DDR2: variants seen among roughly 807,000 people sequenced by gnomAD.
The protein encoded by DDR2 is discoidin domain-containing receptor 2.
DDR2 carries 27 observed loss-of-function variants against 94.9 expected under a neutral mutation model. The ratio of observed to expected loss-of-function variants is 0.28; its 90% CI spans 0.21 to 0.39. The LOEUF (loss-of-function observed/expected upper bound fraction) is 0.39, where lower values mean the gene tolerates loss of function less well. Among genes scored for constraint, DDR2 ranks in the 10% least tolerant of loss-of-function variants. The pLI, the probability that DDR2 is intolerant of heterozygous loss-of-function variation, is 1.00. For missense variants in DDR2, 783 were observed against 1,076.0 expected (o/e 0.73, Z 3.81); for synonymous variants, 382 against 377.2 (o/e 1.01, Z -0.15).
In DDR2 at chr1:162,784,360, G is replaced by A. The variant is rs184260243; in HGVS notation, c.*4114G>A. The A allele has an allele frequency of 9.1e-5, 14 of 154,296 alleles. No individual in the cohort carries two copies. In the East Asian group the frequency reaches 2.5e-3, roughly 28 times the overall value. The allele number at this position is 154,296 out of a possible 1,614,324, so 9.6% of individuals were successfully genotyped here. ...GCTACTAAGTCTTTGATCATAAGTC[G>A]AATTTATAGACCTGGAATTTGCCAT... On this transcript the variant is annotated 3_prime_UTR_variant, in exon 18 of 18. Coordinates refer to ENST00000367921, the MANE Select transcript of DDR2 (RefSeq NM_006182.4).
intron 17 of DDR2, among the ~76,000 whole-genome samples, chr1:162,779,359 A>G (rs1647771279): frequency 6.6e-6 from 1 of 152,144 alleles, no homozygotes; most frequent in Admixed American, 6.5e-5. Context: ...CTGGAATTTA[A>G]AGCTTGCCAG....
At position 162,761,348 on chromosome 1, in the gene DDR2, T is replaced by C. The variant is rs1334285922; in HGVS notation, c.993T>C (p.Ala331=). The C allele has an allele frequency of 1.9e-6, 3 of 1,614,054 alleles. No individual in the cohort carries two copies. Among genetic ancestry groups the C allele is most frequent in the Non-Finnish European group, 2.5e-6 (3 of 1,180,040 alleles). ...PLVLDDVNPS[A]RFVTVPLHHR... ...TCCTGGATGACGTCAACCCCAGTGCTCGGTTTGTCACGGTGCCTCTCCACC... is the reference window on the plus strand; with the variant it reads ...TCCTGGATGACGTCAACCCCAGTGCCCGGTTTGTCACGGTGCCTCTCCACC... The change falls in exon 9 of 18, where the codon GCT becomes GCC. Residue 331 remains alanine, a synonymous_variant. Transcript: ENST00000367921.
At chr1:162,773,061 T>C (rs1647311771) in intron 13 of DDR2, among the ~76,000 whole-genome samples, 1 of 152,096 alleles carries the variant, frequency 6.6e-6, no homozygotes, top group South Asian at 2.1e-4. Context: ...TAGACAGGAG[T>C]TTCTTATAAT....
intron 2 of DDR2, among the ~76,000 whole-genome samples, chr1:162,667,281 A>C (rs948465395): frequency 1.3e-5 from 2 of 152,182 alleles, no homozygotes; most frequent in Non-Finnish European, 2.9e-5. Flanking sequence ...CTTTACTCAT[A>C]ACCACCACAA....
rs1363780173 is a variant in DDR2 at position 162,702,314 on chromosome 1, G to C, written c.-27-16723G>C. ...GAATTCTCCCATCAGCTGGAGAAAA[G>C]GTATCTTTTACCTTCTCCTCCATCT... is the stretch of plus-strand genomic sequence containing the variant. On this transcript the variant is annotated intron_variant, in intron 2 of 17. Transcript: ENST00000367921. Among the ~76,000 whole-genome samples the C allele has an allele frequency of 1.3e-5, 2 of 152,078 alleles. 1 individual carries two copies. The highest frequency in any genetic ancestry group is 2.9e-5 in the Non-Finnish European group (2 of 68,006).
intron 2 of DDR2, among the ~76,000 whole-genome samples, chr1:162,712,628 C>T (rs1660971124): frequency 6.6e-6 from 1 of 152,080 alleles, no homozygotes; most frequent in African/African-American, 2.4e-5. Flanking sequence ...TGAGCCATGA[C>T]TTCCTTTGAA....
chr1:162,656,817 T>C (rs1657986891), intron 2 of DDR2, among the ~76,000 whole-genome samples: 2 of 145,128 alleles, frequency 1.4e-5, no homozygotes, highest in Admixed American at 1.4e-4. Flanking sequence ...TGGTCTTTTC[T>C]TCCCCTGCCA....
chr1:162,730,277 G>C (rs1171569157), intron 3 of DDR2, among the ~76,000 whole-genome samples: 1 of 152,084 alleles, frequency 6.6e-6, no homozygotes, highest in Non-Finnish European at 1.5e-5. Flanking sequence ...AGAGAACTGG[G>C]AGAGCCCATC....
At chr1:162,693,787 A>T (rs1269957592) in intron 2 of DDR2, among the ~76,000 whole-genome samples, 3 of 152,140 alleles carry the variant, frequency 2.0e-5, no homozygotes, top group Non-Finnish European at 4.4e-5. Flanking sequence ...TATGTGAAGA[A>T]CATTCCAGGC....
At chr1:162,703,486 C>A (rs1397162694) in intron 2 of DDR2, among the ~76,000 whole-genome samples, 1 of 152,086 alleles carries the variant, frequency 6.6e-6, no homozygotes, top group Non-Finnish European at 1.5e-5. Flanking sequence ...CCATTTAGTG[C>A]CAGCCCTGTG....
At chr1:162,631,536 C>T, upstream of DDR2, 1 of 152,160 alleles carries the variant, frequency 6.6e-6, no homozygotes, top group East Asian at 1.9e-4. Flanking sequence ...CTGCATTCTC[C>T]ATACTCACGG....
intron 2 of DDR2, among the ~76,000 whole-genome samples, chr1:162,670,560 G>A (rs145284261): frequency 0.011 from 1,601 of 152,224 alleles, 28 homozygotes; most frequent in African/African-American, 0.036. Flanking sequence ...CAGTAACTGG[G>A]GTCTACAGCC....
chr1:162,678,969 G>T (rs986859207), intron 2 of DDR2, among the ~76,000 whole-genome samples: 5 of 151,800 alleles, frequency 3.3e-5, no homozygotes, highest in Admixed American at 1.3e-4. Context: ...TTTAAGCCAA[G>T]AACTCAGTTA....
intron 2 of DDR2, among the ~76,000 whole-genome samples, chr1:162,676,720 A>G (rs1017655401): frequency 6.6e-6 from 1 of 152,224 alleles, no homozygotes; most frequent in Non-Finnish European, 1.5e-5. Context: ...CAATGTTTTT[A>G]AAAGTCCCTG....
At chr1:162,725,576 G>C (rs1250489465) in intron 3 of DDR2, among the ~76,000 whole-genome samples, 1 of 152,108 alleles carries the variant, frequency 6.6e-6, no homozygotes, top group Non-Finnish European at 1.5e-5. Context: ...AAGGGGTTTT[G>C]CCATGTTGGC....
intron 3 of DDR2, among the ~76,000 whole-genome samples, chr1:162,727,525 T>A (rs916325184): frequency 1.6e-4 from 24 of 146,284 alleles, no homozygotes; most frequent in African/African-American, 5.7e-4. Context: ...AATAAATAAA[T>A]AAATAAAAAT....
At chr1:162,651,482 A>T (rs1160582195) in intron 1 of DDR2, among the ~76,000 whole-genome samples, 1 of 152,146 alleles carries the variant, frequency 6.6e-6, no homozygotes, top group East Asian at 1.9e-4. Context: ...GGAACACTCA[A>T]CTGGCTTGAT....
intron 10 of DDR2, among the ~76,000 whole-genome samples, chr1:162,766,373 T>C (rs1253557065): frequency 6.6e-6 from 1 of 152,182 alleles, no homozygotes; most frequent in Non-Finnish European, 1.5e-5. Flanking sequence ...CCATAGTGGG[T>C]ATTTCTAAGG....
In DDR2 at chr1:162,633,270, C is replaced by CT. The variant is rs536392138; in HGVS notation, c.-192+640dup. ...TGCCTTTCCCTTTGTTATGGAATGA[C>CT]TGGGGCTGTTTTCATTTGGGACCTC... On this transcript the variant is annotated intron_variant, in intron 1 of 17. Transcript: ENST00000367921. Among the ~76,000 whole-genome samples, 230 of 152,226 alleles carry CT rather than the reference C, an allele frequency of 1.5e-3. 4 individuals carry two copies. The highest frequency in any genetic ancestry group is 5.2e-3 in the African/African-American group (215 of 41,518).
Sources: allele counts gnomAD v4.1 joint callset (sites outside exome capture counted in the v4.1 genomes callset), GRCh38; gene constraint gnomAD v4.1.1; transcripts MANE v1.5; gene names NCBI Gene and HGNC (gene_info 2026-07-23, HGNC 2026-07-21).